SHROOM4: variants seen among roughly 807,000 people sequenced by gnomAD.
The protein encoded by SHROOM4 is shroom family member 4, also known as protein Shroom4.
In SHROOM4, 17 loss-of-function variants were observed where a neutral mutation model predicts 80.3. That is an observed-to-expected ratio of 0.21 (90% CI 0.14 to 0.32). SHROOM4 has a LOEUF of 0.32. Among genes scored for constraint, SHROOM4 ranks in the 10% least tolerant of loss-of-function variants. SHROOM4 has a pLI of 1.00. For synonymous variants in SHROOM4, 400 were observed against 437.5 expected (o/e 0.91, Z 1.07); for missense variants, 993 against 1,140.3 (o/e 0.87, Z 1.86).
At chrX:50,694,955 A>T (rs1223721353) in intron 2 of SHROOM4, among the ~76,000 whole-genome samples, 1 of 110,185 alleles carries the variant, frequency 9.1e-6, no homozygotes, top group African/African-American at 3.3e-5. Flanking sequence ...AAACAATAGA[A>T]AGGGAGAAGG....
intron 2 of SHROOM4, among the ~76,000 whole-genome samples, chrX:50,647,230 A>G (rs1331471924): frequency 1.8e-5 from 2 of 112,144 alleles, no homozygotes; most frequent in African/African-American, 6.5e-5. Flanking sequence ...AGAGGGAAAA[A>G]GCTGGCTGAT....
At chrX:50,730,723 C>T (rs782296873) in intron 1 of SHROOM4, among the ~76,000 whole-genome samples, 2 of 107,301 alleles carry the variant, frequency 1.9e-5, no homozygotes, top group African/African-American at 3.4e-5. Context: ...TGCAGTGAGC[C>T]GAGATCGCAC....
chrX:50,749,901 C>A (rs930812078), intron 1 of SHROOM4, among the ~76,000 whole-genome samples: 14 of 111,575 alleles, frequency 1.3e-4, no homozygotes, highest in African/African-American at 4.6e-4. Context: ...TGTGCGCTTG[C>A]CACTAGAAAT....
intron 2 of SHROOM4, among the ~76,000 whole-genome samples, chrX:50,652,181 T>C (rs1420248046): frequency 8.9e-6 from 1 of 112,085 alleles, no homozygotes; most frequent in Admixed American, 9.4e-5. Flanking sequence ...ATGGTTCAAC[T>C]AATTTACATT....
intron 5 of SHROOM4, among the ~76,000 whole-genome samples, chrX:50,610,443 C>T (rs988231170): frequency 9.1e-5 from 10 of 110,310 alleles, no homozygotes; most frequent in African/African-American, 3.3e-4. Flanking sequence ...AGAAGCCTTT[C>T]CTGACTACTT....
chrX:50,621,332 T>C (rs183965795), intron 5 of SHROOM4, among the ~76,000 whole-genome samples: 4 of 111,802 alleles, frequency 3.6e-5, no homozygotes, highest in East Asian at 2.8e-4. Context: ...GTTTTGATAA[T>C]TGTTGTTTTA....
intron 1 of SHROOM4, among the ~76,000 whole-genome samples, chrX:50,743,747 G>GC (rs1263207878): frequency 2.7e-5 from 3 of 111,911 alleles, no homozygotes. Context: ...ACGAGTTACT[G>GC]CCCCCAGACT....
intron 1 of SHROOM4, among the ~76,000 whole-genome samples, chrX:50,716,456 T>A (rs1933956926): frequency 8.9e-6 from 1 of 111,869 alleles, no homozygotes; most frequent in African/African-American, 3.2e-5. Flanking sequence ...TTGTACACCA[T>A]AAATATATAT....
At chrX:50,734,005 T>C (rs1362039204) in intron 1 of SHROOM4, among the ~76,000 whole-genome samples, 1 of 112,210 alleles carries the variant, frequency 8.9e-6, no homozygotes, top group Non-Finnish European at 1.9e-5. Flanking sequence ...ACATTGAGCA[T>C]AACAATTCTA....
chrX:50,647,701 T>C lies in SHROOM4; in HGVS notation c.270-9393A>G, dbSNP rs193194584. Among the ~76,000 whole-genome samples, 361 of 111,996 alleles carry C rather than the reference T, an allele frequency of 3.2e-3. 1 individual carries two copies. Among genetic ancestry groups the C allele is most frequent in the Non-Finnish European group, 5.3e-3 (282 of 53,193 alleles). Reference sequence around the variant, plus strand: ...CTTTTCAGAGGTCTGATGGAATCCATAAAGGTTTTCCCCAGAGTCAAGTCT... The same window carrying C: ...CTTTTCAGAGGTCTGATGGAATCCACAAAGGTTTTCCCCAGAGTCAAGTCT... On this transcript the variant is annotated intron_variant, in intron 2 of 8. Transcript: ENST00000376020.
intron 1 of SHROOM4, among the ~76,000 whole-genome samples, chrX:50,729,152 T>G (rs1018544722): frequency 9.0e-6 from 1 of 111,601 alleles, no homozygotes; most frequent in African/African-American, 3.3e-5. Context: ...AGCCCATACA[T>G]AGGAAGAAAA....
chrX:50,668,620 A>C (rs782678249), intron 2 of SHROOM4, among the ~76,000 whole-genome samples: 18 of 112,344 alleles, frequency 1.6e-4, no homozygotes, highest in Non-Finnish European at 2.6e-4. Flanking sequence ...AATGAAAGAG[A>C]GATAATCATG....
intron 7 of SHROOM4, among the ~76,000 whole-genome samples, chrX:50,600,901 T>C (rs185754506): frequency 8.9e-6 from 1 of 111,908 alleles, no homozygotes; most frequent in Non-Finnish European, 1.9e-5. Context: ...CTCTCCCAAA[T>C]AAAAGTCAAT....
chrX:50,627,734 C>G (rs1930865459), intron 4 of SHROOM4, 59 bp from the exon 5 acceptor site: 5 of 999,321 alleles, frequency 5.0e-6, no homozygotes, highest in African/African-American at 3.8e-5. Context: ...TCTAGATGGC[C>G]TCAAAAATGT....
chrX:50,660,068 C>T (rs1379171117), intron 2 of SHROOM4, among the ~76,000 whole-genome samples: 2 of 112,072 alleles, frequency 1.8e-5, no homozygotes, highest in African/African-American at 3.2e-5. Context: ...CATGTCTTCA[C>T]ACACATACAT....
rs992133479 is a variant in SHROOM4, at chrX:50,628,686, A to G, written c.2896-1011T>C. On this transcript the variant is annotated intron_variant, in intron 4 of 8. Transcript: ENST00000376020. ...ATCCTTGGCGCAGTCTCACTGGCTA[A>G]GACACTTAATAGTGGTGTTATTTGA... 2.7e-5 allele frequency among the ~76,000 whole-genome samples: 3 copies of G among 111,976 alleles called. No individual in the cohort carries two copies. The East Asian group carries it at 8.5e-4, about 32-fold the overall frequency.
At chrX:50,654,996 A>G (rs1932248902) in intron 2 of SHROOM4, among the ~76,000 whole-genome samples, 1 of 104,111 alleles carries the variant, frequency 9.6e-6, no homozygotes, top group Non-Finnish European at 2.0e-5. Context: ...TAGGTCCATG[A>G]GTACCCATTG....
intron 1 of SHROOM4, among the ~76,000 whole-genome samples, chrX:50,773,817 G>A (rs1418575045): frequency 1.8e-5 from 2 of 112,502 alleles, no homozygotes; most frequent in Non-Finnish European, 3.8e-5. Flanking sequence ...TATGCTTCTT[G>A]CACAGCTTTA....
Position 50,618,447 on chromosome X carries a change from C to A in SHROOM4, c.2957+9167G>T, listed in dbSNP as rs192108176. ...TTCTTATTTTTGAGACAGTGTCTTG[C>A]CCAGTCTAGAGTGCAGTGGCGCAAT... is the stretch of plus-strand genomic sequence containing the variant. On this transcript the variant is annotated intron_variant, in intron 5 of 8. Transcript: ENST00000376020. Among the ~76,000 whole-genome samples the A allele has an allele frequency of 9.7e-4, 100 of 102,890 alleles. 1 individual carries two copies. Among genetic ancestry groups the A allele is most frequent in the African/African-American group, 3.5e-3 (96 of 27,797 alleles). 89.3% of individuals were successfully genotyped at this position (102,890 alleles called of 115,157 possible).
Sources: allele counts gnomAD v4.1 joint callset (sites outside exome capture counted in the v4.1 genomes callset), GRCh38; gene constraint gnomAD v4.1.1; transcripts MANE v1.5; gene names NCBI Gene and HGNC (gene_info 2026-07-23, HGNC 2026-07-21).